EFNA5: variants seen among roughly 807,000 people sequenced by gnomAD.
The protein encoded by EFNA5 is ephrin-A5.
In EFNA5, 5 loss-of-function variants were observed where a neutral mutation model predicts 22.9. That is an observed-to-expected ratio of 0.22 (90% CI 0.11 to 0.46). The LOEUF (loss-of-function observed/expected upper bound fraction) is 0.46. EFNA5 is among the 20% of genes least tolerant of loss of function. The probability of loss-of-function intolerance (pLI) is 0.99; values close to 1 mark genes in which losing one functional copy is unlikely to be tolerated. For missense variants in EFNA5, 237 were observed against 293.3 expected, an observed-to-expected ratio of 0.81 and a Z score of 1.40; for synonymous variants, 113 against 112.2, an observed-to-expected ratio of 1.01 and a Z score of -0.04.
chr5:107,660,261 CATATATATATATATATAT>C (rs56838945), intron 1 of EFNA5, among the ~76,000 whole-genome samples: 1,454 of 52,422 alleles, frequency 0.028, 60 homozygotes, highest in African/African-American at 0.05. Context: ...ATGGCAAAAA[CATATATATATATATATAT>C]ATATATATAT....
At chr5:107,465,864 A>G (rs1749965785) in intron 1 of EFNA5, among the ~76,000 whole-genome samples, 1 of 152,054 alleles carries the variant, frequency 6.6e-6, no homozygotes, top group African/African-American at 2.4e-5. Flanking sequence ...AAAAACAAAG[A>G]AAAAGGGAAT....
chr5:107,630,988 G>A (rs1464101983), intron 1 of EFNA5, among the ~76,000 whole-genome samples: 1 of 151,978 alleles, frequency 6.6e-6, no homozygotes, highest in South Asian at 2.1e-4. Context: ...AAGTCTTCAG[G>A]AGCAATAACA....
At chr5:107,584,566 T>C (rs1175659756) in intron 1 of EFNA5, among the ~76,000 whole-genome samples, 4 of 152,234 alleles carry the variant, frequency 2.6e-5, no homozygotes, top group Non-Finnish European at 5.9e-5. Context: ...GCCTTCAGAA[T>C]CTTGCCAGTC....
rs753057345 is a variant in EFNA5 at position 107,427,467 on chromosome 5, G to A, written c.168C>T (p.Asp56=). The part of the protein sequence containing the change: ...GDYHIDVCIN[D]YLDVFCPHYE... The stretch of plus-strand genomic sequence containing the variant: ...AGTGAGGGCAGAAAACATCCAGGTA[G>A]TCATTGATACAGACATCAATATGGT... Residue 56 remains aspartate, a synonymous_variant, in exon 2 of 5, where the codon GAC becomes GAT. Transcript: ENST00000333274. The A allele has an allele frequency of 2.5e-6, 4 of 1,613,720 alleles. No homozygotes were observed. In the East Asian group the frequency reaches 6.7e-5, roughly 27 times the overall value.
intron 2 of EFNA5, among the ~76,000 whole-genome samples, chr5:107,389,400 C>T (rs768136970): frequency 2.0e-5 from 3 of 152,100 alleles, no homozygotes; most frequent in Non-Finnish European, 4.4e-5. Flanking sequence ...CCACGGGTTC[C>T]TGAGGGAGTA....
chr5:107,571,662 A>G (rs1302168232), intron 1 of EFNA5, among the ~76,000 whole-genome samples: 2 of 152,092 alleles, frequency 1.3e-5, no homozygotes, highest in African/African-American at 4.8e-5. Flanking sequence ...AAGAATGAGC[A>G]ATTGCCAGCC....
At chr5:107,525,433 C>A (rs1467733662) in intron 1 of EFNA5, among the ~76,000 whole-genome samples, 4 of 152,138 alleles carry the variant, frequency 2.6e-5, no homozygotes, top group Non-Finnish European at 4.4e-5. Context: ...ATTTGACCAA[C>A]CTCCATGCAG....
At chr5:107,535,148 C>T (rs1267553457) in intron 1 of EFNA5, among the ~76,000 whole-genome samples, 1 of 152,036 alleles carries the variant, frequency 6.6e-6, no homozygotes, top group African/African-American at 2.4e-5. Context: ...AGGGTAATGG[C>T]AGAGTGGCAT....
chr5:107,440,936 A>G (rs1442917062), intron 1 of EFNA5, among the ~76,000 whole-genome samples: 2 of 152,134 alleles, frequency 1.3e-5, no homozygotes, highest in African/African-American at 4.8e-5. Flanking sequence ...TTTTAATTCA[A>G]CATCTGGGTA....
At position 107,459,177 on chromosome 5, in the gene EFNA5, T is replaced by A. The variant is rs184090500; in HGVS notation, c.126-31668A>T. Among the ~76,000 whole-genome samples the A allele has an allele frequency of 1.1e-3, 174 of 152,184 alleles. 1 individual carries two copies. The highest frequency in any genetic ancestry group is 3.3e-3 in the African/African-American group (138 of 41,540). ...GAGAGGCTGAGGCAGGTGGATCACC[T>A]GAGGTCTGAAGTTTGAGACCAGCCT... is the stretch of plus-strand genomic sequence containing the variant. On this transcript the variant is annotated intron_variant, in intron 1 of 4. Transcript: ENST00000333274.
intron 1 of EFNA5, among the ~76,000 whole-genome samples, chr5:107,663,208 G>A (rs1279267529): frequency 7.1e-6 from 1 of 139,928 alleles, no homozygotes; most frequent in Non-Finnish European, 1.5e-5. Context: ...AAAACAAGAT[G>A]GCTGCTTCTA....
At chr5:107,499,038 C>T (rs1747065843) in intron 1 of EFNA5, among the ~76,000 whole-genome samples, 1 of 151,872 alleles carries the variant, frequency 6.6e-6, no homozygotes, top group Admixed American at 6.6e-5. Flanking sequence ...GTGAGATTTC[C>T]ATTGGAAACA....
chr5:107,626,790 GA>G (rs1356762511), intron 1 of EFNA5, among the ~76,000 whole-genome samples: 2 of 152,184 alleles, frequency 1.3e-5, no homozygotes, highest in African/African-American at 4.8e-5. Flanking sequence ...GTTTGGTTTT[GA>G]TTTTTTTTAA....
At chr5:107,632,040 A>G (rs1043510102) in intron 1 of EFNA5, among the ~76,000 whole-genome samples, 65 of 152,340 alleles carry the variant, frequency 4.3e-4, no homozygotes, top group African/African-American at 1.5e-3. Context: ...TGCCCAGCAC[A>G]TGGCTGAGAG....
intron 1 of EFNA5, among the ~76,000 whole-genome samples, chr5:107,603,486 T>C (rs893159437): frequency 6.6e-6 from 1 of 152,230 alleles, no homozygotes; most frequent in African/African-American, 2.4e-5. Context: ...GTTCTCATTC[T>C]GAACAATACG....
chr5:107,670,471 C>T lies in EFNA5; in HGVS notation c.125+18G>A, dbSNP rs1339173825. The stretch of plus-strand genomic sequence containing the variant: ...CGAGGCCCGGGTAGCCCTGGCTCTC[C>T]GCCTGTTATCGGCTTACCTGGGGTT... On this transcript the variant is annotated intron_variant, in intron 1 of 4. Transcript: ENST00000333274. 8 of 1,551,952 alleles carry T rather than the reference C, an allele frequency of 5.2e-6. No homozygotes were observed. Among genetic ancestry groups the T allele is most frequent in the Non-Finnish European group, 7.0e-6 (8 of 1,147,310 alleles).
intron 1 of EFNA5, among the ~76,000 whole-genome samples, chr5:107,664,558 GCTGT>G (rs1477981395): frequency 2.8e-4 from 43 of 152,186 alleles, no homozygotes; most frequent in African/African-American, 1.0e-3. Flanking sequence ...TTGATGTTTG[GCTGT>G]CTAAGACCAC....
intron 1 of EFNA5, among the ~76,000 whole-genome samples, chr5:107,639,208 C>T (rs143157548): frequency 0.021 from 3,141 of 152,290 alleles, 41 homozygotes; most frequent in Middle Eastern, 0.031. Flanking sequence ...TTATTATTTA[C>T]ATTTTCTAGA....
chr5:107,585,013 A>G (rs1335572083), intron 1 of EFNA5, among the ~76,000 whole-genome samples: 1 of 152,190 alleles, frequency 6.6e-6, no homozygotes, highest in African/African-American at 2.4e-5. Context: ...CCTGGTCAGT[A>G]GGGAAAGTCA....
Sources: gnomAD v4.1 joint callset for allele counts (sites outside exome capture counted in the v4.1 genomes callset) on GRCh38, gnomAD v4.1.1 for gene constraint, MANE v1.5 for transcripts, NCBI Gene and HGNC (gene_info 2026-07-23, HGNC 2026-07-21) for gene names.